Variants in MAD1L1 observed in about 807,000 individuals in gnomAD.
MAD1L1 encodes mitotic spindle assembly checkpoint protein MAD1.
Under a neutral mutation model 96.9 loss-of-function variants are expected in MAD1L1, and 95 were observed. That is an observed-to-expected ratio of 0.98 (90% CI 0.83 to 1.16). MAD1L1 has a LOEUF of 1.16. Among genes scored for constraint, MAD1L1 ranks in the 50% most tolerant of loss-of-function variants. MAD1L1 has a pLI of 0.00. For missense variants in MAD1L1, 1,007 were observed against 954.4 expected, an observed-to-expected ratio of 1.06 and a Z score of -0.73; for synonymous variants, 473 against 396.6, an observed-to-expected ratio of 1.19 and a Z score of -2.29.
chr7:1,908,229 C>A (rs145915742), intron 17 of MAD1L1, among the ~76,000 whole-genome samples: 2 of 152,166 alleles, frequency 1.3e-5, no homozygotes, highest in Non-Finnish European at 2.9e-5. Context: ...GCAACTCTCG[C>A]GATCATACCC....
intron 18 of MAD1L1, among the ~76,000 whole-genome samples, chr7:1,835,326 C>T (rs1169346052): frequency 2.6e-5 from 4 of 152,120 alleles, no homozygotes; most frequent in African/African-American, 9.7e-5. Flanking sequence ...TGAAATAACA[C>T]AAGAACAAGG....
chr7:2,102,838 C>A (rs1173779764), intron 11 of MAD1L1, among the ~76,000 whole-genome samples: 1 of 152,196 alleles, frequency 6.6e-6, no homozygotes, highest in East Asian at 1.9e-4. Context: ...ACTCTCCACG[C>A]CATCCTCAGC....
intron 14 of MAD1L1, among the ~76,000 whole-genome samples, chr7:1,995,285 G>T (rs962217714): frequency 6.6e-6 from 1 of 152,104 alleles, no homozygotes; most frequent in African/African-American, 2.4e-5. Context: ...TGAACGGGCA[G>T]CGAGCCTGGA....
chr7:2,231,602 G>A (rs1257980734), intron 1 of MAD1L1, among the ~76,000 whole-genome samples: 1 of 151,666 alleles, frequency 6.6e-6, no homozygotes, highest in Admixed American at 6.6e-5. Context: ...GCAAGACTCC[G>A]TTTCAAAAAA....
At chr7:1,901,980 T>C (rs532085651) in intron 17 of MAD1L1, among the ~76,000 whole-genome samples, 2 of 152,276 alleles carry the variant, frequency 1.3e-5, no homozygotes, top group Admixed American at 1.3e-4. Context: ...GACACAGGCC[T>C]GGTACTGATG....
In MAD1L1 at chr7:2,114,605, T is replaced by C. The variant is rs1271201216; in HGVS notation, c.1073+34547A>G. Among the ~76,000 whole-genome samples, 1 of 152,246 alleles carries C rather than the reference T, an allele frequency of 6.6e-6. No homozygotes were observed. The highest frequency in any genetic ancestry group is 1.5e-5 in the Non-Finnish European group (1 of 68,040). ...GGCTACGACTTGAACGGTGGTTTCT[T>C]AACAGGGTCCAACAACTACAGCCTG... On this transcript the variant is annotated intron_variant, in intron 11 of 18. Transcript: ENST00000265854. The surrounding 1 kb of genome is among the most constrained non-coding windows in gnomAD (Gnocchi z 4.2).
At position 2,088,193 on chromosome 7, in the gene MAD1L1, A is replaced by C. The variant is rs571932528; in HGVS notation, c.1074-18855T>G. Among the ~76,000 whole-genome samples the C allele has an allele frequency of 2.6e-5, 4 of 152,256 alleles. No homozygotes were observed. In the South Asian group the frequency reaches 8.3e-4, roughly 32 times the overall value. On this transcript the variant is annotated intron_variant, in intron 11 of 18. Coordinates refer to ENST00000265854, the MANE Select transcript of MAD1L1 (RefSeq NM_001013836.2). The surrounding 1 kb of genome is among the most constrained non-coding windows in gnomAD (Gnocchi z 4.4). ...AACAGTGGACGAGGTCGGGCAGCAAAGCGACCTTGGATCACACATCGCGCC... is the reference window on the plus strand; with the variant it reads ...AACAGTGGACGAGGTCGGGCAGCAACGCGACCTTGGATCACACATCGCGCC...
At chr7:2,175,936 G>A (rs1332425410) in intron 10 of MAD1L1, among the ~76,000 whole-genome samples, 1 of 152,236 alleles carries the variant, frequency 6.6e-6, no homozygotes, top group African/African-American at 2.4e-5. Context: ...TAAAGTTGCA[G>A]ACATCTGAAG....
chr7:2,007,920 T>C (rs910864831), intron 13 of MAD1L1, among the ~76,000 whole-genome samples: 11 of 152,326 alleles, frequency 7.2e-5, no homozygotes, highest in Non-Finnish European at 1.5e-4. Context: ...TGATACAACG[T>C]TGATGGGTCT....
chr7:1,887,932 T>C (rs1277020724), intron 18 of MAD1L1, among the ~76,000 whole-genome samples: 2 of 149,906 alleles, frequency 1.3e-5, no homozygotes, highest in Non-Finnish European at 3.0e-5. Flanking sequence ...CGGCTGCCTG[T>C]GCACGTGTGT....
chr7:2,193,100 G>A (rs989626429), intron 10 of MAD1L1, among the ~76,000 whole-genome samples: 16 of 152,308 alleles, frequency 1.1e-4, no homozygotes, highest in Admixed American at 8.5e-4. Flanking sequence ...AGCACTCGTG[G>A]AGGAGGGTGG....
intron 11 of MAD1L1, among the ~76,000 whole-genome samples, chr7:2,074,452 A>G (rs1012805448): frequency 6.6e-6 from 1 of 152,214 alleles, no homozygotes; most frequent in Non-Finnish European, 1.5e-5. Context: ...GAGGCTGCTG[A>G]GGGAGGCCAT....
intron 18 of MAD1L1, among the ~76,000 whole-genome samples, chr7:1,868,367 G>A (rs577156869): frequency 1.3e-5 from 2 of 152,100 alleles, no homozygotes; most frequent in African/African-American, 2.4e-5. Flanking sequence ...GGCTGCTGCC[G>A]CCCAGCACAC....
intron 11 of MAD1L1, among the ~76,000 whole-genome samples, chr7:2,080,685 G>C (rs1188080382): frequency 6.6e-6 from 1 of 152,202 alleles, no homozygotes; most frequent in African/African-American, 2.4e-5. Context: ...CTCCCGGGTC[G>C]CAGAGCAGCC....
intron 10 of MAD1L1, among the ~76,000 whole-genome samples, chr7:2,191,279 T>C (rs111543929): frequency 1.1e-4 from 17 of 152,150 alleles, no homozygotes; most frequent in African/African-American, 3.9e-4. Flanking sequence ...CACCTGCCAC[T>C]AGGAAGTCGC....
intron 12 of MAD1L1, 114 bp from the exon 13 acceptor site, chr7:2,014,756 G>T: frequency 7.9e-7 from 1 of 1,264,100 alleles, no homozygotes; most frequent in Non-Finnish European, 1.1e-6. Context: ...CCCTCGTGAG[G>T]ACCCAGGCCA....
intron 17 of MAD1L1, among the ~76,000 whole-genome samples, chr7:1,916,943 C>T (rs368890459): frequency 2.0e-4 from 30 of 152,304 alleles, no homozygotes; most frequent in Non-Finnish European, 3.7e-4. Flanking sequence ...CCCATGCCAA[C>T]GAGAACCGAG....
intron 12 of MAD1L1, among the ~76,000 whole-genome samples, chr7:2,057,653 T>A (rs1784438866): frequency 6.6e-6 from 1 of 152,122 alleles, no homozygotes; most frequent in South Asian, 2.1e-4. Flanking sequence ...ATGCGTTAAA[T>A]CCTGCTGGAA....
At chr7:2,089,910 T>G (rs1786121551) in intron 11 of MAD1L1, among the ~76,000 whole-genome samples, 2 of 152,210 alleles carry the variant, frequency 1.3e-5, no homozygotes, top group Non-Finnish European at 2.9e-5. Flanking sequence ...GCTGAAGGGC[T>G]GCTCTCCCCA....
Sources: gnomAD v4.1 joint callset for allele counts (sites outside exome capture counted in the v4.1 genomes callset) on GRCh38, gnomAD v4.1.1 for gene constraint, Gnocchi (gnomAD v3.1) non-coding constraint, MANE v1.5 for transcripts, NCBI Gene and HGNC (gene_info 2026-07-23, HGNC 2026-07-21) for gene names.